Variants in B4GALNT2 observed in about 807,000 individuals in gnomAD.
B4GALNT2 encodes the protein beta-1,4-N-acetyl-galactosaminyltransferase 2 (SID blood group).
B4GALNT2 carries 42 observed loss-of-function variants against 51.1 expected under a neutral mutation model. The ratio of observed to expected loss-of-function variants is 0.82; its 90% CI spans 0.64 to 1.06. The LOEUF (loss-of-function observed/expected upper bound fraction) is 1.06, where lower values mean the gene tolerates loss of function less well. Among genes scored for constraint, B4GALNT2 ranks in the 50% least tolerant of loss-of-function variants. B4GALNT2 has a pLI of 0.00. For synonymous variants in B4GALNT2, 253 were observed against 251.7 expected (o/e 1.01, Z -0.05); for missense variants, 602 against 633.6 (o/e 0.95, Z 0.54).
intron 3 of B4GALNT2, among the ~76,000 whole-genome samples, chr17:49,143,424 A>G (rs1217105013): frequency 1.3e-5 from 2 of 152,180 alleles, no homozygotes; most frequent in Non-Finnish European, 2.9e-5. Context: ...CCAGGCTAGG[A>G]AATCAGGTAA....
intron 4 of B4GALNT2, among the ~76,000 whole-genome samples, chr17:49,154,388 T>C (rs1288228793): frequency 6.6e-6 from 1 of 152,052 alleles, no homozygotes; most frequent in Non-Finnish European, 1.5e-5. Flanking sequence ...CAGCATCACA[T>C]TCCTCATCAG....
chr17:49,148,638 A>G, intron 3 of B4GALNT2: 1 of 555,498 alleles, frequency 1.8e-6, no homozygotes, highest in South Asian at 2.0e-5. Context: ...TTCCTGCACA[A>G]AGCCTCCGGA....
chr17:49,166,648 C>G (rs1055468600), intron 9 of B4GALNT2, among the ~76,000 whole-genome samples: 3 of 152,080 alleles, frequency 2.0e-5, no homozygotes, highest in African/African-American at 7.2e-5. Context: ...GCACTAATGA[C>G]ATTCTAAAAA....
intron 1 of B4GALNT2, 100 bp from the exon 2 acceptor site, chr17:49,141,147 T>A: frequency 9.0e-7 from 1 of 1,115,382 alleles, no homozygotes; most frequent in South Asian, 1.3e-5. Context: ...ATATAAGCTA[T>A]GTGCTTAGCT....
At chr17:49,139,958 T>C (rs915183779) in intron 1 of B4GALNT2, among the ~76,000 whole-genome samples, 1 of 151,478 alleles carries the variant, frequency 6.6e-6, no homozygotes, top group Non-Finnish European at 1.5e-5. Flanking sequence ...GGGAAATATA[T>C]ATGAATAGAT....
intron 4 of B4GALNT2, among the ~76,000 whole-genome samples, chr17:49,156,336 T>C (rs2042810162): frequency 6.6e-6 from 1 of 152,146 alleles, no homozygotes; most frequent in African/African-American, 2.4e-5. Context: ...CCTCCAAAAC[T>C]GAGGACGGGC....
At chr17:49,124,030 A>G in the B4GALNT2 span, among the ~76,000 whole-genome samples, 1 of 152,232 alleles carries the variant, frequency 6.6e-6, no homozygotes, top group Admixed American at 6.5e-5. Context: ...TCTGGAGAAA[A>G]TCAGGTAGAG....
At chr17:49,129,094 T>TTAG (rs2042524459), upstream of B4GALNT2, among the ~76,000 whole-genome samples, 1 of 152,020 alleles carries the variant, frequency 6.6e-6, no homozygotes, top group African/African-American at 2.4e-5. Context: ...GTTAGCTGGA[T>TTAG]TAGTGTCTGA....
At chr17:49,151,992 T>A (rs984349183) in intron 3 of B4GALNT2, among the ~76,000 whole-genome samples, 1 of 152,196 alleles carries the variant, frequency 6.6e-6, no homozygotes, top group African/African-American at 2.4e-5. Context: ...AGTTCAGATG[T>A]GACTTTGGTG....
rs768022952 is a variant in B4GALNT2, at chr17:49,169,737, G to A, written c.*9G>A. On this transcript the variant is annotated 3_prime_UTR_variant, in exon 11 of 11. Transcript: ENST00000393354. ...TCCAATGTGCCGCATAAAGGTGTGA[G>A]GGCATAGGAGAAACACTAGGCTGGC... The A allele has an allele frequency of 2.6e-6, 4 of 1,544,212 alleles. No homozygotes were observed. The highest frequency in any genetic ancestry group is 3.5e-6 in the Non-Finnish European group (4 of 1,142,206).
chr17:49,125,965 C>T, the B4GALNT2 span, among the ~76,000 whole-genome samples: 2 of 147,484 alleles, frequency 1.4e-5, no homozygotes, highest in African/African-American at 5.0e-5. Context: ...AGTGAGGAGC[C>T]CCTCTGCCCG....
At chr17:49,141,621 C>T (rs974912585) in intron 2 of B4GALNT2, among the ~76,000 whole-genome samples, 174 bp downstream of exon 2, 19 of 152,196 alleles carry the variant, frequency 1.2e-4, no homozygotes, top group African/African-American at 4.1e-4. Flanking sequence ...ACGATCCAGT[C>T]TATGTTCTCT....
intron 1 of B4GALNT2, 155 bp downstream of exon 1, chr17:49,132,961 C>G: frequency 7.1e-7 from 1 of 1,407,212 alleles, no homozygotes; most frequent in South Asian, 1.7e-5. Context: ...CCAACCGGTT[C>G]CCCGCATAGG....
intron 5 of B4GALNT2, among the ~76,000 whole-genome samples, chr17:49,157,367 CT>C (rs879525324): frequency 0.16 from 23,469 of 151,324 alleles, 2,111 homozygotes; most frequent in South Asian, 0.31. Context: ...GTCACCTAGC[CT>C]GGAGTGCAGT....
chr17:49,126,615 T>G, the B4GALNT2 span, among the ~76,000 whole-genome samples: 1 of 151,358 alleles, frequency 6.6e-6, no homozygotes, highest in Non-Finnish European at 1.5e-5. Flanking sequence ...GCCTAATCAC[T>G]TTTAAATCGT....
At chr17:49,143,057 T>A (rs1007870473) in intron 3 of B4GALNT2, among the ~76,000 whole-genome samples, 7 of 152,146 alleles carry the variant, frequency 4.6e-5, no homozygotes, top group Non-Finnish European at 1.0e-4. Flanking sequence ...GAGACCAGCC[T>A]GGCCAACATG....
chr17:49,127,495 C>T (rs1036648276), upstream of B4GALNT2, among the ~76,000 whole-genome samples: 1 of 152,182 alleles, frequency 6.6e-6, no homozygotes, highest in African/African-American at 2.4e-5. Context: ...GAAGGTCCCA[C>T]AACTTTTACT....
chr17:49,144,545 A>G (rs558916993), intron 3 of B4GALNT2, among the ~76,000 whole-genome samples: 120 of 152,316 alleles, frequency 7.9e-4, no homozygotes, highest in Non-Finnish European at 1.6e-3. Flanking sequence ...TGCATCCTCT[A>G]TCTGCCAGCT....
chr17:49,168,160 T>C (rs1426150278), intron 9 of B4GALNT2, among the ~76,000 whole-genome samples: 5 of 152,210 alleles, frequency 3.3e-5, no homozygotes, highest in Non-Finnish European at 7.3e-5. Context: ...ATAGATGTAC[T>C]TGCTCATCTG....
Sources: allele counts gnomAD v4.1 joint callset (sites outside exome capture counted in the v4.1 genomes callset), GRCh38; gene constraint gnomAD v4.1.1; transcripts MANE v1.5; gene names NCBI Gene and HGNC (gene_info 2026-07-23, HGNC 2026-07-21).